HERC2: variants seen among roughly 807,000 people sequenced by gnomAD.
HERC2 encodes E3 ubiquitin-protein ligase HERC2.
In HERC2, 102 loss-of-function variants were observed where a neutral mutation model predicts 537.7. That is an observed-to-expected ratio of 0.19 (90% confidence interval 0.16 to 0.22). HERC2 has a LOEUF of 0.22. HERC2 is among the 10% of genes least tolerant of loss of function. The probability of loss-of-function intolerance (pLI) is 1.00; values close to 1 mark genes in which losing one functional copy is unlikely to be tolerated. For missense variants in HERC2, 4,236 were observed against 6,198.2 expected, an observed-to-expected ratio of 0.68 and a Z score of 10.63; for synonymous variants, 2,224 against 2,466.2, an observed-to-expected ratio of 0.90 and a Z score of 2.91.
chr15:28,124,726 A>G (rs1889287251), intron 84 of HERC2, among the ~76,000 whole-genome samples: 1 of 152,098 alleles, frequency 6.6e-6, no homozygotes, highest in South Asian at 2.1e-4. Flanking sequence ...TGCCTGACTA[A>G]TTTTGTAGAG....
chr15:28,144,238 G>A lies in HERC2; in HGVS notation c.11141-3C>T, dbSNP rs765713973. ...GTCAGAGAGGAGTTCTTTAGGGCCT[G>A]TGAATGAACACTGTAAACATCCCCG... On this transcript the variant is annotated splice_region_variant and splice_polypyrimidine_tract_variant and intron_variant, in intron 72 of 92. Coordinates refer to ENST00000261609, the MANE Select transcript of HERC2 (RefSeq NM_004667.6). The A allele has an allele frequency of 1.9e-6, 3 of 1,613,672 alleles. No individual in the cohort carries two copies. Among genetic ancestry groups the A allele is most frequent in the Non-Finnish European group, 2.5e-6 (3 of 1,179,932 alleles).
At chr15:28,219,634 C>A (rs1275438425) in intron 37 of HERC2, among the ~76,000 whole-genome samples, 2 of 152,190 alleles carry the variant, frequency 1.3e-5, no homozygotes, top group Non-Finnish European at 2.9e-5. Context: ...CGAGCCCAGA[C>A]GGTGCGCTAT....
chr15:28,227,161 G>C (rs8034684), intron 35 of HERC2, among the ~76,000 whole-genome samples: 96 of 152,262 alleles, frequency 6.3e-4, no homozygotes, highest in African/African-American at 2.1e-3. Context: ...TGTAATCCCA[G>C]CTACTCGGGA....
At chr15:28,136,996 C>G (rs2142204334) in intron 78 of HERC2, among the ~76,000 whole-genome samples, 1 of 151,372 alleles carries the variant, frequency 6.6e-6, no homozygotes, top group Admixed American at 6.6e-5. Flanking sequence ...CAACATTTAG[C>G]TAACTCAAAA....
At chr15:28,161,116 G>C (rs1446349435) in intron 69 of HERC2, among the ~76,000 whole-genome samples, 2 of 152,148 alleles carry the variant, frequency 1.3e-5, no homozygotes, top group Admixed American at 6.5e-5. Context: ...ACCAAACTCT[G>C]CTGCGCTTTC....
At chr15:28,219,063 C>A (rs1430619795) in intron 37 of HERC2, among the ~76,000 whole-genome samples, 1 of 152,208 alleles carries the variant, frequency 6.6e-6, no homozygotes, top group Admixed American at 6.5e-5. Flanking sequence ...TTCCCATCTT[C>A]CTCAAGAATC....
chr15:28,201,977 T>A (rs532166190), intron 47 of HERC2, 136 bp downstream of exon 47: 8 of 1,003,394 alleles, frequency 8.0e-6, no homozygotes, highest in African/African-American at 4.9e-5. Flanking sequence ...GGCAATACCA[T>A]AGGTTGGTTT....
In HERC2 at chr15:28,230,953, A is replaced by T. The variant is rs989727603; in HGVS notation, c.4676-453T>A. Among the ~76,000 whole-genome samples the T allele has an allele frequency of 6.0e-4, 91 of 152,136 alleles. No homozygotes were observed. In the East Asian group the frequency reaches 0.01, roughly 17 times the overall value. ...TAATATACTTCTTTTAATTTTTAAA[A>T]AACAATTTCAAACTGAAAAAAAAAA... On this transcript the variant is annotated intron_variant, in intron 30 of 92. Transcript: ENST00000261609.
Position 28,270,733 on chromosome 15 carries a change from A to G in HERC2, c.1219T>C (p.Cys407Arg). 1.2e-6 allele frequency: 2 copies of G among 1,613,974 alleles called. No homozygotes were observed. Among genetic ancestry groups the G allele is most frequent in the Non-Finnish European group, 1.7e-6 (2 of 1,179,866 alleles). Residue 407 changes from cysteine (C) to arginine (R), a missense_variant, in exon 10 of 93, where the codon TGT (cysteine) becomes CGT (arginine). Physicochemically the swap from Cys to Arg is radical, Grantham distance 180. This residue lies in a region of HERC2 where 491 missense variants were observed against 559.3 expected (regional missense o/e 0.88). Transcript: ENST00000261609. Reference sequence around the variant, plus strand: ...GGAGAGCTACACAGCGGAGGCATACAGGGCGTAGCCAGACGGTCTAAATGG... The same window carrying G: ...GGAGAGCTACACAGCGGAGGCATACGGGGCGTAGCCAGACGGTCTAAATGG... ...MAHLDRLATP[C>R]MPPLCSSPTS...
chr15:28,157,483 G>A (rs939094555), intron 69 of HERC2, among the ~76,000 whole-genome samples: 8 of 152,172 alleles, frequency 5.3e-5, no homozygotes, highest in Non-Finnish European at 1.0e-4. Context: ...GTGGGTGTAT[G>A]TGTCCAGGAA....
chr15:28,308,331 C>G (rs567182252), intron 2 of HERC2, among the ~76,000 whole-genome samples: 21 of 152,162 alleles, frequency 1.4e-4, no homozygotes, highest in Non-Finnish European at 2.8e-4. Flanking sequence ...AATGGGATTA[C>G]TTTTCTAATT....
chr15:28,241,316 A>G (rs1014223499), intron 23 of HERC2, among the ~76,000 whole-genome samples: 1 of 152,018 alleles, frequency 6.6e-6, no homozygotes, highest in African/African-American at 2.4e-5. Flanking sequence ...AATCAAAACC[A>G]CAATGAGATA....
chr15:28,164,475 A>G (rs796440735), intron 68 of HERC2, among the ~76,000 whole-genome samples: 3 of 152,310 alleles, frequency 2.0e-5, no homozygotes, highest in African/African-American at 7.2e-5. Flanking sequence ...AGGACAGCAA[A>G]AGCATTCAGT....
intron 43 of HERC2, among the ~76,000 whole-genome samples, chr15:28,212,192 G>A (rs1899319440): frequency 6.6e-6 from 1 of 152,206 alleles, no homozygotes; most frequent in Non-Finnish European, 1.5e-5. Flanking sequence ...CCGGGATAAA[G>A]GGTGACACGG....
At chr15:28,132,312 C>A (rs1260750873) in intron 80 of HERC2, 51 bp from the exon 81 acceptor site, 1 of 1,527,226 alleles carries the variant, frequency 6.5e-7, no homozygotes, top group Non-Finnish European at 8.9e-7. Flanking sequence ...AGAAGGCTTG[C>A]CACAGGACTG....
At position 28,265,998 on chromosome 15, in the gene HERC2, T is replaced by C. The variant is rs375509794; in HGVS notation, c.1599-24A>G. On this transcript the variant is annotated intron_variant, in intron 12 of 92. Coordinates refer to ENST00000261609, the MANE Select transcript of HERC2 (RefSeq NM_004667.6). This position sits in a 1 kb window ranked among gnomAD's most constrained non-coding sequence, Gnocchi z 4.0. ...GCCTTGGGGAGAAAGGGAACAAACA[T>C]GAATGCCCTTCTTCTTGGTGTTATT... The C allele has an allele frequency of 6.2e-7, 1 of 1,609,998 alleles. No homozygotes were observed. Among genetic ancestry groups the C allele is most frequent in the Non-Finnish European group, 8.5e-7 (1 of 1,177,312 alleles).
intron 44 of HERC2, among the ~76,000 whole-genome samples, chr15:28,207,974 G>A (rs1898666657): frequency 6.6e-6 from 1 of 152,146 alleles, no homozygotes; most frequent in African/African-American, 2.4e-5. Context: ...AGGAGTCCCT[G>A]CTCGGCCCAA....
chr15:28,178,549 C>A (rs887661987), intron 59 of HERC2, among the ~76,000 whole-genome samples: 17 of 151,948 alleles, frequency 1.1e-4, no homozygotes, highest in South Asian at 1.0e-3. Context: ...CCTCAGAGGC[C>A]TAGCACGGTG....
intron 11 of HERC2, 150 bp downstream of exon 11, chr15:28,269,098 A>G (rs905327433): frequency 9.6e-6 from 6 of 622,824 alleles, no homozygotes; most frequent in Non-Finnish European, 1.4e-5. Context: ...CAATATTACA[A>G]CTGAGATCAT....
Sources: gnomAD v4.1 joint callset for allele counts (sites outside exome capture counted in the v4.1 genomes callset) on GRCh38, gnomAD v4.1.1 for gene constraint, gnomAD v4.1.1 regional missense constraint, Gnocchi (gnomAD v3.1) non-coding constraint, MANE v1.5 for transcripts, NCBI Gene and HGNC (gene_info 2026-07-23, HGNC 2026-07-21) for gene names.